HDAC7: variants seen among roughly 807,000 people sequenced by gnomAD.
The protein encoded by HDAC7 is histone deacetylase 7A.
In HDAC7, 26 loss-of-function variants were observed where a neutral mutation model predicts 115.5. The ratio of observed to expected loss-of-function variants is 0.23; its 90% CI spans 0.16 to 0.31. The LOEUF (loss-of-function observed/expected upper bound fraction) is 0.31, where lower values mean the gene tolerates loss of function less well. Among genes scored for constraint, HDAC7 ranks in the 10% least tolerant of loss-of-function variants. HDAC7 has a pLI of 1.00. For missense variants in HDAC7, 1,068 were observed against 1,329.0 expected, an observed-to-expected ratio of 0.80 and a Z score of 3.05; for synonymous variants, 564 against 550.9, an observed-to-expected ratio of 1.02 and a Z score of -0.33.
At chr12:47,812,058 AT>A (rs1295977513) in intron 1 of HDAC7, among the ~76,000 whole-genome samples, 1 of 152,224 alleles carries the variant, frequency 6.6e-6, no homozygotes, top group Non-Finnish European at 1.5e-5. Context: ...ACCCCAGCAG[AT>A]GCTGGCAAGG....
intron 21 of HDAC7, 100 bp downstream of exon 21, chr12:47,787,612 G>A: frequency 1.3e-6 from 1 of 750,462 alleles, no homozygotes; most frequent in Non-Finnish European, 2.2e-6. Flanking sequence ...GAACTGGTGG[G>A]GACAGGCTGA....
At chr12:47,785,217 AC>A in intron 24 of HDAC7, 169 bp downstream of exon 24, 1 of 638,014 alleles carries the variant, frequency 1.6e-6, no homozygotes, top group Non-Finnish European at 2.7e-6. Context: ...ATAACCCCTC[AC>A]TGGGGGGTGC....
chr12:47,783,787 T>C lies in HDAC7; in HGVS notation c.*54A>G. Reference sequence around the variant, plus strand: ...AGGAATGGGGGCTATTGCCAGGGGTTAGAAGAGAACCAGGTCCCAAGGGCA... The same window carrying C: ...AGGAATGGGGGCTATTGCCAGGGGTCAGAAGAGAACCAGGTCCCAAGGGCA... On this transcript the variant is annotated 3_prime_UTR_variant, in exon 26 of 26. Coordinates refer to ENST00000080059, the MANE Select transcript of HDAC7 (RefSeq NM_015401.5). 1.3e-6 allele frequency: 2 copies of C among 1,573,556 alleles called. No homozygotes were observed. Among genetic ancestry groups the C allele is most frequent in the Non-Finnish European group, 1.7e-6 (2 of 1,151,762 alleles).
intron 23 of HDAC7, 69 bp from the exon 24 acceptor site, chr12:47,785,540 G>C: frequency 6.7e-7 from 1 of 1,498,106 alleles, no homozygotes; most frequent in Non-Finnish European, 9.1e-7. Flanking sequence ...CCCACCCCAG[G>C]GGCCCCAGCC....
chr12:47,786,850 A>G, intron 21 of HDAC7, 147 bp from the exon 22 acceptor site: 1 of 646,088 alleles, frequency 1.5e-6, no homozygotes, highest in Non-Finnish European at 2.7e-6. Flanking sequence ...GACCTCCTTG[A>G]CCTTGGCTGG....
intron 1 of HDAC7, among the ~76,000 whole-genome samples, chr12:47,814,886 A>G (rs1251702951): frequency 2.0e-5 from 3 of 152,166 alleles, no homozygotes; most frequent in Non-Finnish European, 4.4e-5. Context: ...GTTATTCTTT[A>G]TTGCCATGCC....
rs1334713743 is a variant in HDAC7 at position 47,791,529 on chromosome 12, G to A, written c.1933+57C>T. 5.8e-6 allele frequency: 9 copies of A among 1,560,396 alleles called. No individual in the cohort carries two copies. The African/African-American group carries it at 6.8e-5, about 12-fold the overall frequency. ...GGGCGGGCAGAGCCGAGACAGGAGT[G>A]CATGGGAGCTGGGTGAGGTAAGCTG... On this transcript the variant is annotated intron_variant, in intron 15 of 25. Transcript: ENST00000080059.
chr12:47,791,243 C>T lies in HDAC7; in HGVS notation c.1983+16G>A, dbSNP rs1478776163. On this transcript the variant is annotated intron_variant, in intron 16 of 25. Transcript: ENST00000080059. ...AGCCCTGGCAACGCCCCCCTGAGAC[C>T]CCTGGGCACACTTACCCCAACCCCA... is the stretch of plus-strand genomic sequence containing the variant. The T allele has an allele frequency of 6.3e-7, 1 of 1,593,854 alleles. No homozygotes were observed. Among genetic ancestry groups the T allele is most frequent in the South Asian group, 1.1e-5 (1 of 87,808 alleles).
In HDAC7 at chr12:47,798,688, G is replaced by T; in HGVS notation, c.259-36C>A. The T allele has an allele frequency of 6.3e-7, 1 of 1,594,346 alleles. No homozygotes were observed. On this transcript the variant is annotated intron_variant, in intron 3 of 25. Transcript: ENST00000080059. This position sits in a 1 kb window ranked among gnomAD's most constrained non-coding sequence, Gnocchi z 4.3. ...GGCCGGCAGCCCAGAAAGGGACAAG[G>T]AGTTGAGGACTGAGACTGGTGTCTA...
At chr12:47,792,139 C>T in intron 13 of HDAC7, 135 bp from the exon 14 acceptor site, 1 of 999,768 alleles carries the variant, frequency 1.0e-6, no homozygotes, top group South Asian at 1.7e-5. Flanking sequence ...CACACCCACA[C>T]AGGCCTGCAT....
chr12:47,820,066 C>G (rs1324507554), upstream of HDAC7: 1 of 151,638 alleles, frequency 6.6e-6, no homozygotes, highest in Non-Finnish European at 1.5e-5. This position sits in a 1 kb window ranked among gnomAD's most constrained non-coding sequence, Gnocchi z 4.3. Context: ...GACACTGCAC[C>G]GCGCGGCGCA....
rs376563167 is a variant in HDAC7 at position 47,791,616 on chromosome 12, G to A, written c.1903C>T (p.Arg635Cys). 60 of 1,609,550 alleles carry A rather than the reference G, an allele frequency of 3.7e-5. No homozygotes were observed. Among genetic ancestry groups the A allele is most frequent in the Admixed American group, 2.0e-4 (12 of 59,492 alleles). ...VLLYGTNPLS[R>C]LKLDNGKLAG... is the part of the protein sequence containing the mutation. ...AGCTTCCCGTTGTCCAGTTTGAGGC[G>A]GCTGAGCGGGTTGGTGCCGTAGAGG... Residue 635 changes from arginine to cysteine, a missense_variant, in exon 15 of 26, where the codon CGC becomes TGC. This residue lies in a region of HDAC7 where 618 missense variants were observed against 701.5 expected (regional missense o/e 0.88). Transcript: ENST00000080059.
chr12:47,796,364 C>T (rs765251211), intron 7 of HDAC7, 66 bp from the exon 8 acceptor site: 113 of 1,239,976 alleles, frequency 9.1e-5, no homozygotes, highest in Non-Finnish European at 1.1e-4. Context: ...ACAGCCAGGC[C>T]GCCTGGTGCA....
intron 24 of HDAC7, chr12:47,784,725 A>C: frequency 6.5e-7 from 1 of 1,535,530 alleles, no homozygotes; most frequent in Non-Finnish European, 8.7e-7. Context: ...ATGGGTGCCC[A>C]GGCCAGGAGA....
At position 47,791,316 on chromosome 12, in the gene HDAC7, G is replaced by A. The variant is rs750541581; in HGVS notation, c.1934-8C>T. ...TCCGCTGTGCCAGGAGCCCTGCGGG[G>A]AGAGGCCCAGCCCACGTCAGCGTGA... is the stretch of plus-strand genomic sequence containing the variant. On this transcript the variant is annotated splice_polypyrimidine_tract_variant and splice_region_variant and intron_variant, in intron 15 of 25. Transcript: ENST00000080059. 3.8e-6 allele frequency: 6 copies of A among 1,583,176 alleles called. No individual in the cohort carries two copies. Among genetic ancestry groups the A allele is most frequent in the Admixed American group, 1.8e-5 (1 of 56,394 alleles).
chr12:47,804,806 A>G (rs1348527693), intron 1 of HDAC7, among the ~76,000 whole-genome samples: 1 of 152,154 alleles, frequency 6.6e-6, no homozygotes, highest in Non-Finnish European at 1.5e-5. Flanking sequence ...AGCAACCTCC[A>G]GAGTAAACAC....
At position 47,795,678 on chromosome 12, in the gene HDAC7, G is replaced by A. The variant is rs1388066167; in HGVS notation, c.996C>T (p.Gly332=). The A allele has an allele frequency of 5.2e-6, 8 of 1,552,126 alleles. No individual in the cohort carries two copies. Among genetic ancestry groups the A allele is most frequent in the Non-Finnish European group, 7.0e-6 (8 of 1,147,426 alleles). Residue 332 remains glycine, a synonymous_variant, in exon 10 of 26, where the codon GGC becomes GGT. Coordinates refer to ENST00000080059, the MANE Select transcript of HDAC7 (RefSeq NM_015401.5). The surrounding 1 kb of genome is among the most constrained non-coding windows in gnomAD (Gnocchi z 4.3). ...SPHTPLFLPH[G]LEPEAGGTLP... ...AGGTGCCCCCAGCCTCGGGCTCCAA[G>A]CCATGGGGCAGGAAGAGGGGAGTGT...
chr12:47,793,483 G>A lies in HDAC7; in HGVS notation c.1564C>T (p.Arg522Trp), dbSNP rs1471914577. The change falls in exon 13 of 26, where the codon CGG (arginine) becomes TGG (tryptophan). Residue 522 changes from arginine (R) to tryptophan (W), a missense_variant. Physicochemically the swap from Arg to Trp is moderately radical, Grantham distance 101 (BLOSUM62 -3). Around this residue, in one of 6 missense-constraint regions of HDAC7, gnomAD observed 618 missense variants for 701.5 expected, o/e 0.88. Coordinates refer to ENST00000080059, the MANE Select transcript of HDAC7 (RefSeq NM_015401.5). The surrounding 1 kb of genome is among the most constrained non-coding windows in gnomAD (Gnocchi z 4.5). Reference protein sequence around the residue: ...LAQGGHRPLSRAQSSPAAPAS... With the variant: ...LAQGGHRPLSWAQSSPAAPAS... ...GGTGCGGCTGGGGAAGACTGAGCCC[G>A]GGACAGAGGCCGGTGCCCACCCTGG... The A allele has an allele frequency of 2.6e-6, 4 of 1,551,254 alleles. No homozygotes were observed. Among genetic ancestry groups the A allele is most frequent in the Non-Finnish European group, 3.5e-6 (4 of 1,147,924 alleles).
chr12:47,797,396 G>A lies in HDAC7; in HGVS notation c.565C>T (p.Leu189=), dbSNP rs372649976. ...LPSDPPEHFP[L]RKTVSEPNLK... ...TTGTTCAGCTCACCTGTCTTGCGCA[G>A]AGGGAAGTGCTCTGGGGGGTCACTG... The change falls in exon 6 of 26, where the codon CTG becomes TTG. Residue 189 remains leucine (L), a synonymous_variant. Coordinates refer to ENST00000080059, the MANE Select transcript of HDAC7 (RefSeq NM_015401.5). The surrounding 1 kb of genome is among the most constrained non-coding windows in gnomAD (Gnocchi z 5.5). 3.7e-6 allele frequency: 6 copies of A among 1,613,838 alleles called. No individual in the cohort carries two copies. In the African/African-American group the frequency reaches 8.0e-5, roughly 22 times the overall value.
Sources: gnomAD v4.1 joint callset for allele counts (sites outside exome capture counted in the v4.1 genomes callset) on GRCh38, gnomAD v4.1.1 for gene constraint, gnomAD v4.1.1 regional missense constraint, Gnocchi (gnomAD v3.1) non-coding constraint, MANE v1.5 for transcripts, NCBI Gene and HGNC (gene_info 2026-07-23, HGNC 2026-07-21) for gene names.